The following RAB3GAP1 variants were observed in gnomAD, a reference collection of about 807,000 sequenced individuals.
The protein encoded by RAB3GAP1 is rab3 GTPase-activating protein catalytic subunit.
RAB3GAP1 carries 86 observed loss-of-function variants against 130.7 expected under a neutral mutation model. The observed-to-expected ratio is 0.66, with a 90% CI of 0.55 to 0.79. The LOEUF is 0.79. RAB3GAP1 is among the 30% of genes least tolerant of loss of function. The pLI is 0.00. For missense variants in RAB3GAP1, 1,029 were observed against 1,169.4 expected (o/e 0.88, Z 1.75); for synonymous variants, 367 against 401.7 (o/e 0.91, Z 1.03).
intron 3 of RAB3GAP1, among the ~76,000 whole-genome samples, chr2:135,081,326 AAATATATATATATATAT>A (rs1156619179): frequency 1.1e-5 from 1 of 87,470 alleles, no homozygotes; most frequent in South Asian, 6.3e-4. Context: ...AAAAAAAAAA[AAATATATATATATATAT>A]ATATATATAT....
intron 3 of RAB3GAP1, among the ~76,000 whole-genome samples, chr2:135,065,188 C>T (rs1050140370): frequency 1.3e-5 from 2 of 152,132 alleles, no homozygotes; most frequent in Non-Finnish European, 2.9e-5. Flanking sequence ...AAACTTTGTC[C>T]GGTGTCACCT....
At chr2:135,090,815 A>G (rs1389964269) in intron 3 of RAB3GAP1, among the ~76,000 whole-genome samples, 183 bp from the exon 4 acceptor site, 2 of 152,200 alleles carry the variant, frequency 1.3e-5, no homozygotes, top group East Asian at 1.9e-4. Flanking sequence ...TTCTTTTTAA[A>G]GGAACACTGA....
intron 5 of RAB3GAP1, among the ~76,000 whole-genome samples, chr2:135,099,246 G>C: frequency 6.6e-6 from 1 of 152,022 alleles, no homozygotes; most frequent in East Asian, 1.9e-4. Flanking sequence ...ATTATGAATG[G>C]ATGTTGAATT....
Position 135,070,768 on chromosome 2 carries a change from A to G in RAB3GAP1, c.150+12682A>G, listed in dbSNP as rs1379782906. On this transcript the variant is annotated intron_variant, in intron 3 of 23. Transcript: ENST00000264158. ...GATCCGCCCAAAGTGCTAGGATTAC[A>G]AGCGTGAGCCACCACGCCCGGCCTG... 1.2e-4 allele frequency among the ~76,000 whole-genome samples: 19 copies of G among 152,260 alleles called. No individual in the cohort carries two copies. In the East Asian group the frequency reaches 3.5e-3, roughly 28 times the overall value.
chr2:135,076,628 T>C (rs1285020024), intron 3 of RAB3GAP1, among the ~76,000 whole-genome samples: 4 of 152,232 alleles, frequency 2.6e-5, no homozygotes, highest in Non-Finnish European at 5.9e-5. Context: ...GAATGTCTTA[T>C]GCTTCACAAG....
intron 3 of RAB3GAP1, among the ~76,000 whole-genome samples, chr2:135,081,792 CAGAGT>C (rs1239349831): frequency 6.6e-6 from 1 of 152,036 alleles, no homozygotes; most frequent in Non-Finnish European, 1.5e-5. Context: ...TCTTTTAAGA[CAGAGT>C]AGACAGATAC....
At chr2:135,083,767 G>GTTTTTT (rs34087354) in intron 3 of RAB3GAP1, among the ~76,000 whole-genome samples, 8 of 98,246 alleles carry the variant, frequency 8.1e-5, no homozygotes, top group African/African-American at 1.2e-4. Flanking sequence ...ACCCAACACG[G>GTTTTTT]TTTTTTTTTT....
At chr2:135,140,319 A>G (rs562966689) in intron 17 of RAB3GAP1, among the ~76,000 whole-genome samples, 1 of 152,312 alleles carries the variant, frequency 6.6e-6, no homozygotes, top group South Asian at 2.1e-4. Flanking sequence ...ATCTATCTAA[A>G]TAGTCTGTCT....
chr2:135,140,521 G>C (rs904690117), intron 17 of RAB3GAP1, among the ~76,000 whole-genome samples: 2 of 152,152 alleles, frequency 1.3e-5, no homozygotes, highest in African/African-American at 4.8e-5. Flanking sequence ...AAGAGAAAAG[G>C]CACATGGGAT....
chr2:135,086,388 A>G (rs553768639), intron 3 of RAB3GAP1, among the ~76,000 whole-genome samples: 1 of 152,136 alleles, frequency 6.6e-6, no homozygotes, highest in South Asian at 2.1e-4. Context: ...GCATTGTCAG[A>G]TTTTTATATT....
chr2:135,079,625 A>G (rs545298940), intron 3 of RAB3GAP1, among the ~76,000 whole-genome samples: 1 of 152,218 alleles, frequency 6.6e-6, no homozygotes, highest in African/African-American at 2.4e-5. Context: ...GTTCTTTCTT[A>G]TCAGTTTTAC....
chr2:135,116,561 TATTGGGACA>T (rs1440581628), intron 7 of RAB3GAP1, among the ~76,000 whole-genome samples: 2 of 152,180 alleles, frequency 1.3e-5, no homozygotes, highest in African/African-American at 4.8e-5. Context: ...GTAAGGACAT[TATTGGGACA>T]ATTGGGATGA....
At chr2:135,081,361 T>TATATATATATATATACAC (rs1216831944) in intron 3 of RAB3GAP1, among the ~76,000 whole-genome samples, 2 of 71,252 alleles carry the variant, frequency 2.8e-5, no homozygotes, top group Non-Finnish European at 4.5e-5. Context: ...TATATATATA[T>TATATATATATATATACAC]ACACACACGT....
chr2:135,169,528 CT>C lies in RAB3GAP1; in HGVS notation c.*748del, dbSNP rs1459945463. 1 of 183,640 alleles carries C rather than the reference CT, an allele frequency of 5.4e-6. No individual in the cohort carries two copies. The highest frequency in any genetic ancestry group is 1.1e-5 in the Non-Finnish European group (1 of 87,048). 11.4% of individuals were successfully genotyped at this position (183,640 alleles called of 1,614,324 possible). A position where few individuals can be genotyped will look rare whatever the true frequency, so the allele number is the denominator to read the frequency against. On this transcript the variant is annotated 3_prime_UTR_variant, in exon 24 of 24. Transcript: ENST00000264158. ...TGGAAGTTATGGCCCTGAAAATCGT[CT>C]CCCTCCCCTTCTCTTGCTGTACAGC...
chr2:135,109,116 C>G lies in RAB3GAP1; in HGVS notation c.363-4035C>G, dbSNP rs375928399. Among the ~76,000 whole-genome samples, 33 of 151,824 alleles carry G rather than the reference C, an allele frequency of 2.2e-4. No individual in the cohort carries two copies. The South Asian group carries it at 5.8e-3, about 27-fold the overall frequency. ...CTTGAAGTTTGATAGTGTTAGTTCT[C>G]CAACTTTCTTCTTCTTCAATATTTT... On this transcript the variant is annotated intron_variant, in intron 5 of 23. Coordinates refer to ENST00000264158, the MANE Select transcript of RAB3GAP1 (RefSeq NM_012233.3).
chr2:135,093,676 A>C lies in RAB3GAP1; in HGVS notation c.345A>C (p.Ala115=). Residue 115 remains alanine (A), a synonymous_variant, in exon 5 of 24, where the codon GCA becomes GCC. Coordinates refer to ENST00000264158, the MANE Select transcript of RAB3GAP1 (RefSeq NM_012233.3). ...LGMNNDFPPR[A]HCLVRWYGLR... is the part of the protein sequence containing the mutation. ...TGAATAATGACTTTCCTCCAAGAGC[A>C]CATTGCCTGGTAAGATGGTAGGTAT... 1 of 1,612,520 alleles carries C rather than the reference A, an allele frequency of 6.2e-7. No homozygotes were observed. Among genetic ancestry groups the C allele is most frequent in the Non-Finnish European group, 8.5e-7 (1 of 1,178,516 alleles).
At chr2:135,149,253 G>C (rs1394513153) in intron 17 of RAB3GAP1, among the ~76,000 whole-genome samples, 2 of 152,192 alleles carry the variant, frequency 1.3e-5, no homozygotes, top group African/African-American at 2.4e-5. Context: ...TCCTTCATGA[G>C]AGATTGAATA....
In RAB3GAP1 at chr2:135,088,705, AAAAG is replaced by A. The variant is rs1343580935; in HGVS notation, c.151-2285_151-2282del. ...CTCCATCTCAAAAAAAAAAAAAAAAAAAAGAAAGAAAAGAAAAAAAATTAAAATT... is the reference window on the plus strand; with the variant it reads ...CTCCATCTCAAAAAAAAAAAAAAAAAAAAGAAAAGAAAAAAAATTAAAATT... On this transcript the variant is annotated intron_variant, in intron 3 of 23. Coordinates refer to ENST00000264158, the MANE Select transcript of RAB3GAP1 (RefSeq NM_012233.3). 2.4e-4 allele frequency among the ~76,000 whole-genome samples: 37 copies of A among 151,124 alleles called. No individual in the cohort carries two copies. In the South Asian group the frequency reaches 5.0e-3, roughly 20 times the overall value.
intron 3 of RAB3GAP1, among the ~76,000 whole-genome samples, chr2:135,084,664 A>G (rs1258380135): frequency 6.6e-6 from 1 of 152,112 alleles, no homozygotes; most frequent in Non-Finnish European, 1.5e-5. Flanking sequence ...TGGTTAGGAA[A>G]TATTTTCTAG....
Sources: gnomAD v4.1 joint callset for allele counts (sites outside exome capture counted in the v4.1 genomes callset) on GRCh38, gnomAD v4.1.1 for gene constraint, MANE v1.5 for transcripts, NCBI Gene and HGNC (gene_info 2026-07-23, HGNC 2026-07-21) for gene names.